SAP30L: variants seen among roughly 807,000 people sequenced by gnomAD.
SAP30L encodes SAP30 like.
In SAP30L, 10 loss-of-function variants were observed where a neutral mutation model predicts 22.3. That is an observed-to-expected ratio of 0.45 (90% CI 0.28 to 0.76). The LOEUF (loss-of-function observed/expected upper bound fraction) is 0.76. SAP30L is among the 30% of genes least tolerant of loss of function. The probability of loss-of-function intolerance (pLI) is 0.14; values close to 1 mark genes in which losing one functional copy is unlikely to be tolerated. For missense variants in SAP30L, 206 were observed against 237.9 expected, an observed-to-expected ratio of 0.87 and a Z score of 0.88; for synonymous variants, 91 against 94.1, an observed-to-expected ratio of 0.97 and a Z score of 0.19.
intron 1 of SAP30L, among the ~76,000 whole-genome samples, chr5:154,447,969 CTTTTTTTTTTT>C (rs140213326): frequency 2.3e-5 from 2 of 88,376 alleles, no homozygotes; most frequent in East Asian, 3.3e-4. Context: ...TTTTCTTTTT[CTTTTTTTTTTT>C]TTTTTTTTTT....
At chr5:154,453,114 A>G (rs1007560638) in intron 2 of SAP30L, 3 of 287,944 alleles carry the variant, frequency 1.0e-5, no homozygotes. Flanking sequence ...CTTTTCCCCT[A>G]TTCCCTACCG....
In SAP30L at chr5:154,459,304, G is replaced by A. The variant is rs1053827041; in HGVS notation, c.*3276G>A. 4 of 152,236 alleles carry A rather than the reference G, an allele frequency of 2.6e-5. No individual in the cohort carries two copies. Among genetic ancestry groups the A allele is most frequent in the Non-Finnish European group, 5.9e-5 (4 of 68,064 alleles). The allele number at this position is 152,236 out of a possible 1,614,324, so 9.4% of individuals were successfully genotyped here. On this transcript the variant is annotated 3_prime_UTR_variant, in exon 4 of 4. Coordinates refer to ENST00000297109, the MANE Select transcript of SAP30L (RefSeq NM_024632.6). ...TTCTGCCTACAACCATCCCACCAAG[G>A]GGTTGAGCAGTCTGGACTTAAACAC... is the stretch of plus-strand genomic sequence containing the variant.
chr5:154,451,595 G>A (rs1757142756), intron 2 of SAP30L, among the ~76,000 whole-genome samples: 2 of 152,046 alleles, frequency 1.3e-5, no homozygotes, highest in Non-Finnish European at 2.9e-5. Context: ...TAATGGTTTG[G>A]GAGAAGTCTT....
chr5:154,447,969 C>CTTTTTTTTTTTT (rs140213326), intron 1 of SAP30L, among the ~76,000 whole-genome samples: 12 of 88,352 alleles, frequency 1.4e-4, no homozygotes, highest in African/African-American at 2.4e-4. Context: ...TTTTCTTTTT[C>CTTTTTTTTTTTT]TTTTTTTTTT....
Position 154,458,138 on chromosome 5 carries a change from T to C in SAP30L, c.*2110T>C, listed in dbSNP as rs1757302255. 6.6e-6 allele frequency: 1 copy of C among 152,230 alleles called. No individual in the cohort carries two copies. The highest frequency in any genetic ancestry group is 6.5e-5 in the Admixed American group (1 of 15,286). The allele number at this position is 152,230 out of a possible 1,614,324, so 9.4% of individuals were successfully genotyped here. On this transcript the variant is annotated 3_prime_UTR_variant, in exon 4 of 4. Coordinates refer to ENST00000297109, the MANE Select transcript of SAP30L (RefSeq NM_024632.6). ...GTTCAATTGTGTCTGAAAGAATCTTTATTCCAAAGCGAAACCTGGGGAAAT... is the reference window on the plus strand; with the variant it reads ...GTTCAATTGTGTCTGAAAGAATCTTCATTCCAAAGCGAAACCTGGGGAAAT...
chr5:154,447,940 CCTTTTT>C (rs1757055781), intron 1 of SAP30L, among the ~76,000 whole-genome samples: 1 of 150,044 alleles, frequency 6.7e-6, no homozygotes, highest in South Asian at 2.1e-4. Context: ...TCTCCCCTGT[CCTTTTT>C]CTTTTCTTTT....
Position 154,457,295 on chromosome 5 carries a change from G to A in SAP30L, c.*1267G>A, listed in dbSNP as rs1757284170. Reference sequence around the variant, plus strand: ...GCTTTTGCAAAATTCTTTAATCTGTGTAATGGAGGGCAGAGGGTATGGGGT... The same window carrying A: ...GCTTTTGCAAAATTCTTTAATCTGTATAATGGAGGGCAGAGGGTATGGGGT... On this transcript the variant is annotated 3_prime_UTR_variant, in exon 4 of 4. Transcript: ENST00000297109. 1 of 152,322 alleles carries A rather than the reference G, an allele frequency of 6.6e-6. No homozygotes were observed. Among genetic ancestry groups the A allele is most frequent in the South Asian group, 2.1e-4 (1 of 4,820 alleles). The allele number at this position is 152,322 out of a possible 1,614,324, so 9.4% of individuals were successfully genotyped here.
chr5:154,453,903 T>G (rs1446990083), intron 3 of SAP30L, among the ~76,000 whole-genome samples: 1 of 152,216 alleles, frequency 6.6e-6, no homozygotes, highest in African/African-American at 2.4e-5. Flanking sequence ...CTGGGCTGAC[T>G]GCAGCCCCAA....
intron 3 of SAP30L, among the ~76,000 whole-genome samples, chr5:154,453,938 C>T (rs571213699): frequency 6.6e-6 from 1 of 152,106 alleles, no homozygotes. Flanking sequence ...GTGATCCTTC[C>T]CACCTCAGCC....
In SAP30L at chr5:154,459,124, C is replaced by G. The variant is rs1028523826; in HGVS notation, c.*3096C>G. On this transcript the variant is annotated 3_prime_UTR_variant, in exon 4 of 4. Coordinates refer to ENST00000297109, the MANE Select transcript of SAP30L (RefSeq NM_024632.6). ...GGGAGAGGATGGAAGAAGGAGCTTA[C>G]TCTGGGGGCCTTGCCTATTGAGGGA... 9 of 152,244 alleles carry G rather than the reference C, an allele frequency of 5.9e-5. No homozygotes were observed. Among genetic ancestry groups the G allele is most frequent in the Admixed American group, 5.9e-4 (9 of 15,284 alleles). 9.4% of individuals were successfully genotyped at this position (152,244 alleles called of 1,614,324 possible). A position where few individuals can be genotyped will look rare whatever the true frequency, so the allele number is the denominator to read the frequency against.
chr5:154,458,270 C>A lies in SAP30L; in HGVS notation c.*2242C>A, dbSNP rs1452419704. 1 of 152,242 alleles carries A rather than the reference C, an allele frequency of 6.6e-6. No individual in the cohort carries two copies. The highest frequency in any genetic ancestry group is 2.4e-5 in the African/African-American group (1 of 41,454). 9.4% of individuals were successfully genotyped at this position (152,242 alleles called of 1,614,324 possible). A position where few individuals can be genotyped will look rare whatever the true frequency, so the allele number is the denominator to read the frequency against. On this transcript the variant is annotated 3_prime_UTR_variant, in exon 4 of 4. Coordinates refer to ENST00000297109, the MANE Select transcript of SAP30L (RefSeq NM_024632.6). ...GTTGTGGGCATCTTTTCAACCTTTT[C>A]AATCTGACCTTTCAACAGGTCAGGT...
chr5:154,457,191 T>C lies in SAP30L; in HGVS notation c.*1163T>C, dbSNP rs1017469268. On this transcript the variant is annotated 3_prime_UTR_variant, in exon 4 of 4. Coordinates refer to ENST00000297109, the MANE Select transcript of SAP30L (RefSeq NM_024632.6). ...GAAAATTACCTAATTTTTTTGTTGT[T>C]CAAAACGTTGAACTCCTCAATCTAA... is the stretch of plus-strand genomic sequence containing the variant. The C allele has an allele frequency of 6.6e-6, 1 of 152,188 alleles. No homozygotes were observed. Among genetic ancestry groups the C allele is most frequent in the African/African-American group, 2.4e-5 (1 of 41,452 alleles). The allele number at this position is 152,188 out of a possible 1,614,324, so 9.4% of individuals were successfully genotyped here.
In SAP30L at chr5:154,446,685, G is replaced by A. The variant is rs1757018060; in HGVS notation, c.81G>A (p.Gln27=). The A allele has an allele frequency of 1.3e-6, 2 of 1,579,482 alleles. No homozygotes were observed. Among genetic ancestry groups the A allele is most frequent in the Non-Finnish European group, 1.7e-6 (2 of 1,165,830 alleles). Residue 27 remains glutamine (Q), a synonymous_variant, in exon 1 of 4, where the codon CAG becomes CAA. Transcript: ENST00000297109. The part of the protein sequence containing the change: ...APAAAAPGYG[Q]SCCLIEDGER... ...CTGCCGCCGCCCCGGGCTACGGCCAGAGCTGCTGCCTCATCGAGGACGGCG... is the reference window on the plus strand; with the variant it reads ...CTGCCGCCGCCCCGGGCTACGGCCAAAGCTGCTGCCTCATCGAGGACGGCG...
In SAP30L at chr5:154,448,294, T is replaced by G. The variant is rs142747737; in HGVS notation, c.201+1489T>G. Among the ~76,000 whole-genome samples the G allele has an allele frequency of 5.1e-3, 780 of 152,328 alleles. 7 individuals are homozygous for G. The highest frequency in any genetic ancestry group is 0.017 in the African/African-American group (727 of 41,576). ...CCCAGCCCCTGTCCTTTCTTCAGAC[T>G]CTTCCCTCCTACCCCCATTTTTAAG... On this transcript the variant is annotated intron_variant, in intron 1 of 3. Transcript: ENST00000297109.
intron 1 of SAP30L, among the ~76,000 whole-genome samples, chr5:154,448,324 T>C (rs1235336908): frequency 2.0e-5 from 3 of 152,200 alleles, no homozygotes; most frequent in Non-Finnish European, 2.9e-5. Context: ...TTTAAGTTAA[T>C]CATTATAATA....
rs551454588 is a variant in SAP30L, at chr5:154,452,581, G to C, written c.325-821G>C. The stretch of plus-strand genomic sequence containing the variant: ...CTCTTCCTTTGTTAGAAACAAAAAG[G>C]GGGGGTCCCTTCCCCTCTGTTATCC... On this transcript the variant is annotated intron_variant, in intron 2 of 3. Coordinates refer to ENST00000297109, the MANE Select transcript of SAP30L (RefSeq NM_024632.6). The C allele has an allele frequency of 6.2e-5, 41 of 659,016 alleles. No homozygotes were observed. In the East Asian group the frequency reaches 9.6e-4, roughly 15 times the overall value. 40.8% of individuals were successfully genotyped at this position (659,016 alleles called of 1,614,324 possible). A position where few individuals can be genotyped will look rare whatever the true frequency, so the allele number is the denominator to read the frequency against.
chr5:154,453,347 T>C, intron 2 of SAP30L, 55 bp from the exon 3 acceptor site: 1 of 1,256,340 alleles, frequency 8.0e-7, no homozygotes, highest in South Asian at 1.2e-5. Context: ...AGTGGGCTCT[T>C]GGTGAGTCCT....
At chr5:154,452,226 G>A (rs566956439) in intron 2 of SAP30L, among the ~76,000 whole-genome samples, 2 of 152,144 alleles carry the variant, frequency 1.3e-5, no homozygotes, top group African/African-American at 4.8e-5. Flanking sequence ...GGAGGAAACC[G>A]TTGAAAATCT....
At chr5:154,448,287 T>C (rs951778749) in intron 1 of SAP30L, among the ~76,000 whole-genome samples, 12 of 152,232 alleles carry the variant, frequency 7.9e-5, no homozygotes, top group Non-Finnish European at 1.8e-4. Flanking sequence ...CTGTCCTTTC[T>C]TCAGACTCTT....
Sources: gnomAD v4.1 joint callset for allele counts (sites outside exome capture counted in the v4.1 genomes callset) on GRCh38, gnomAD v4.1.1 for gene constraint, MANE v1.5 for transcripts, NCBI Gene and HGNC (gene_info 2026-07-23, HGNC 2026-07-21) for gene names.